The following KIF26A variants were observed in gnomAD, a reference collection of about 807,000 sequenced individuals.
The protein encoded by KIF26A is kinesin-like protein KIF26A.
Under a neutral mutation model 126.0 loss-of-function variants are expected in KIF26A, and 74 were observed. The observed-to-expected ratio is 0.59, with a 90% CI of 0.49 to 0.71. The LOEUF is 0.71. KIF26A is among the 30% of genes least tolerant of loss of function. The pLI is 0.00. For synonymous variants in KIF26A, 1,445 were observed against 1,232.7 expected, an observed-to-expected ratio of 1.17 and a Z score of -3.61; for missense variants, 2,984 against 2,763.3, an observed-to-expected ratio of 1.08 and a Z score of -1.79.
Position 104,177,202 on chromosome 14 carries a change from C to T in KIF26A, c.4414C>T (p.Pro1472Ser). ...VPKLGVPPSS[P>S]THGPAPACRS... ...CAAGCTGGGTGTGCCACCCTCCAGC[C>T]CCACACACGGTCCAGCTCCCGCCTG... is the stretch of plus-strand genomic sequence containing the variant. The change falls in exon 12 of 15, where the codon CCC becomes TCC. Residue 1472 changes from proline to serine, a missense_variant. Pro to Ser is a moderately conservative substitution (Grantham distance 74). Coordinates refer to ENST00000423312, the MANE Select transcript of KIF26A (RefSeq NM_015656.2). 2 of 1,596,016 alleles carry T rather than the reference C, an allele frequency of 1.3e-6. No individual in the cohort carries two copies. The highest frequency in any genetic ancestry group is 1.3e-5 in the African/African-American group (1 of 74,962).
intron 2 of KIF26A, among the ~76,000 whole-genome samples, chr14:104,149,259 G>A (rs2037706170): frequency 1.3e-5 from 2 of 152,138 alleles, no homozygotes; most frequent in African/African-American, 2.4e-5. Context: ...AGCCTGCTGG[G>A]TCGGGGTTGG....
chr14:104,151,396 C>T lies in KIF26A; in HGVS notation c.289-619C>T, dbSNP rs1250641546. Among the ~76,000 whole-genome samples, 2 of 136,692 alleles carry T rather than the reference C, an allele frequency of 1.5e-5. No individual in the cohort carries two copies. The highest frequency in any genetic ancestry group is 7.5e-5 in the Admixed American group (1 of 13,406). 89.7% of individuals were successfully genotyped at this position (136,692 alleles called of 152,430 possible). ...GTGGGGGAGCTGGTGGAGTGTGCGGCGGGGGGTGGGGCCCTGGGCTGTACC... is the reference window on the plus strand; with the variant it reads ...GTGGGGGAGCTGGTGGAGTGTGCGGTGGGGGGTGGGGCCCTGGGCTGTACC... On this transcript the variant is annotated intron_variant, in intron 2 of 14. Coordinates refer to ENST00000423312, the MANE Select transcript of KIF26A (RefSeq NM_015656.2). This position sits in a 1 kb window ranked among gnomAD's most constrained non-coding sequence, Gnocchi z 4.9.
rs1404253657 is a variant in KIF26A, at chr14:104,151,756, G to C, written c.289-259G>C. Among the ~76,000 whole-genome samples, 1 of 152,236 alleles carries C rather than the reference G, an allele frequency of 6.6e-6. No individual in the cohort carries two copies. Among genetic ancestry groups the C allele is most frequent in the African/African-American group, 2.4e-5 (1 of 41,462 alleles). On this transcript the variant is annotated intron_variant, in intron 2 of 14. Coordinates refer to ENST00000423312, the MANE Select transcript of KIF26A (RefSeq NM_015656.2). This position sits in a 1 kb window ranked among gnomAD's most constrained non-coding sequence, Gnocchi z 4.9. ...GAGCCGCAAACCTGCCTTGTTAGCC[G>C]CAGGCCGGGGCGCTTAATGACGGCT...
At chr14:104,162,452 C>T (rs1444016773) in intron 4 of KIF26A, among the ~76,000 whole-genome samples, 1 of 152,206 alleles carries the variant, frequency 6.6e-6, no homozygotes, top group Non-Finnish European at 1.5e-5. Context: ...GGGGCAGAGC[C>T]CTTGTGTGGC....
rs2038021379 is a variant in KIF26A, at chr14:104,176,068, G to A, written c.3280G>A (p.Gly1094Arg). 2 of 1,596,582 alleles carry A rather than the reference G, an allele frequency of 1.3e-6. No individual in the cohort carries two copies. Among genetic ancestry groups the A allele is most frequent in the Admixed American group, 1.7e-5 (1 of 58,682 alleles). Residue 1094 changes from glycine to arginine, a missense_variant, in exon 12 of 15, where the codon GGG (glycine) becomes AGG (arginine). Physicochemically the swap from Gly to Arg is moderately radical, Grantham distance 125. Transcript: ENST00000423312. ...DAYTSQAPEG[G>R]PLEGAAWAGS... ...CTACACCTCTCAGGCCCCTGAGGGG[G>A]GGCCCCTGGAGGGGGCAGCCTGGGC...
In KIF26A at chr14:104,175,145, C is replaced by A; in HGVS notation, c.2357C>A (p.Ser786Tyr). The A allele has an allele frequency of 6.2e-7, 1 of 1,607,774 alleles. No homozygotes were observed. The highest frequency in any genetic ancestry group is 1.1e-5 in the South Asian group (1 of 89,900). ...DPDYSSSSEQ[S>Y]CDTVIYVGPG... ...GATTACTCCTCCAGCAGCGAGCAGTCCTGTGACACGGTCATCTACGTGGGG... is the reference window on the plus strand; with the variant it reads ...GATTACTCCTCCAGCAGCGAGCAGTACTGTGACACGGTCATCTACGTGGGG... The change falls in exon 12 of 15, where the codon TCC becomes TAC. Residue 786 changes from serine (S) to tyrosine (Y), a missense_variant. By Grantham distance (144) the Ser-to-Tyr change is moderately radical. Transcript: ENST00000423312.
rs199834512 is a variant in KIF26A at position 104,178,616 on chromosome 14, G to A, written c.5177G>A (p.Ser1726Asn). Residue 1726 changes from serine to asparagine, a missense_variant, in exon 13 of 15, where the codon AGC becomes AAC. Transcript: ENST00000423312. ...PDTTALGRKP[S>N]LPGQWVDLPP... Reference sequence around the variant, plus strand: ...ACCACTGCCCTGGGCCGTAAGCCCAGCCTCCCCGGGCAGTGGGTGGACCTG... The same window carrying A: ...ACCACTGCCCTGGGCCGTAAGCCCAACCTCCCCGGGCAGTGGGTGGACCTG... The A allele has an allele frequency of 3.9e-4, 601 of 1,547,166 alleles. 2 individuals carry two copies. In the African/African-American group the frequency reaches 7.4e-3, roughly 19 times the overall value.
chr14:104,147,288 G>A (rs2037688968), intron 2 of KIF26A, among the ~76,000 whole-genome samples: 1 of 152,228 alleles, frequency 6.6e-6, no homozygotes, highest in Admixed American at 6.5e-5. Context: ...GCCATTGAGG[G>A]GATGAGGGTC....
rs117210021 is a variant in KIF26A, at chr14:104,149,096, C to T, written c.289-2919C>T. 7.4e-3 allele frequency among the ~76,000 whole-genome samples: 1,133 copies of T among 152,270 alleles called. 7 individuals carry two copies. Among genetic ancestry groups the T allele is most frequent in the Non-Finnish European group, 0.011 (744 of 68,022 alleles). On this transcript the variant is annotated intron_variant, in intron 2 of 14. Coordinates refer to ENST00000423312, the MANE Select transcript of KIF26A (RefSeq NM_015656.2). ...GTGCAGCCTGGCTGGTGTGATGGCT[C>T]AGTGGTGGGGGCGATGGCGCCTGGT... is the stretch of plus-strand genomic sequence containing the variant.
chr14:104,155,928 C>T (rs149058361), intron 3 of KIF26A, among the ~76,000 whole-genome samples: 27 of 152,348 alleles, frequency 1.8e-4, no homozygotes, highest in East Asian at 3.9e-4. Flanking sequence ...CCTCCAGCCT[C>T]GGTGCCCCTG....
Position 104,174,968 on chromosome 14 carries a change from T to A in KIF26A, c.2194-14T>A, listed in dbSNP as rs1337949398. The A allele has an allele frequency of 6.6e-7, 1 of 1,512,602 alleles. No individual in the cohort carries two copies. Among genetic ancestry groups the A allele is most frequent in the East Asian group, 2.4e-5 (1 of 40,864 alleles). The allele number at this position is 1,512,602 out of a possible 1,614,324, so 93.7% of individuals were successfully genotyped here. On this transcript the variant is annotated splice_polypyrimidine_tract_variant and intron_variant, in intron 11 of 14. Transcript: ENST00000423312. ...GGGAGACTGGGCTCGGCAGCTCCAC[T>A]TTTCTTCCCCCAGTACGCCTCCAGC...
chr14:104,176,397 C>A lies in KIF26A; in HGVS notation c.3609C>A (p.Ala1203=). The A allele has an allele frequency of 1.3e-6, 2 of 1,590,692 alleles. No homozygotes were observed. Among genetic ancestry groups the A allele is most frequent in the Non-Finnish European group, 1.7e-6 (2 of 1,165,618 alleles). The change falls in exon 12 of 15, where the codon GCC becomes GCA. Residue 1203 remains alanine (A), a synonymous_variant. Coordinates refer to ENST00000423312, the MANE Select transcript of KIF26A (RefSeq NM_015656.2). ...QAGPSRWASA[A]QTIHSSLPRK... is the part of the protein sequence containing the mutation. ...GGCCCTCGCGGTGGGCATCCGCAGCCCAGACCATCCACTCCAGCCTCCCCC... is the reference window on the plus strand; with the variant it reads ...GGCCCTCGCGGTGGGCATCCGCAGCACAGACCATCCACTCCAGCCTCCCCC...
At chr14:104,178,827 T>C (rs1004379705) in intron 13 of KIF26A, 72 bp downstream of exon 13, 8 of 882,908 alleles carry the variant, frequency 9.1e-6, no homozygotes, top group African/African-American at 8.6e-5. Flanking sequence ...AGTGAGCCAT[T>C]TGATGGGCTC....
At chr14:104,167,998 T>TG (rs2037923073) in intron 5 of KIF26A, among the ~76,000 whole-genome samples, 1 of 151,978 alleles carries the variant, frequency 6.6e-6, no homozygotes, top group Non-Finnish European at 1.5e-5. Context: ...GGAGACCCCC[T>TG]GGCAGAAGGC....
intron 4 of KIF26A, among the ~76,000 whole-genome samples, chr14:104,165,458 C>CAT: frequency 1.5e-5 from 2 of 137,504 alleles, no homozygotes; most frequent in Middle Eastern, 8.6e-3. Context: ...TTTCTGTATG[C>CAT]GTGTGTGTGT....
At chr14:104,157,160 G>C (rs2037787247) in intron 3 of KIF26A, among the ~76,000 whole-genome samples, 1 of 152,294 alleles carries the variant, frequency 6.6e-6, no homozygotes, top group South Asian at 2.1e-4. Flanking sequence ...GCTGTCCCGG[G>C]CGTTTAATTA....
intron 4 of KIF26A, among the ~76,000 whole-genome samples, chr14:104,165,663 CTGTGTTTCTGTATGCATATGTGTGACTG>C (rs1281542487): frequency 2.2e-5 from 3 of 133,608 alleles, no homozygotes; most frequent in African/African-American, 1.0e-4. Flanking sequence ...GTGTGTGTAT[CTGTGTTTCTGTATGCATATGTGTGACTG>C]TGTGTCTCTG....
chr14:104,172,465 A>G (rs941895020), intron 6 of KIF26A, 110 bp from the exon 7 acceptor site: 9 of 703,392 alleles, frequency 1.3e-5, no homozygotes, highest in Admixed American at 5.1e-5. Flanking sequence ...GTGCAGCCCA[A>G]TCTCCTTGTG....
chr14:104,177,234 C>A lies in KIF26A; in HGVS notation c.4446C>A (p.Ser1482Arg). The A allele has an allele frequency of 6.3e-7, 1 of 1,596,540 alleles. No homozygotes were observed. The highest frequency in any genetic ancestry group is 8.5e-7 in the Non-Finnish European group (1 of 1,175,648). ...ACGGTCCAGCTCCCGCCTGTAGGAG[C>A]GGCGCAGCCAAGGCTGTGGGGGCCC... ...PTHGPAPACR[S>R]GAAKAVGAPK... is the part of the protein sequence containing the mutation. Residue 1482 changes from serine (S) to arginine (R), a missense_variant, in exon 12 of 15, where the codon AGC becomes AGA. By Grantham distance (110) the Ser-to-Arg change is moderately radical. Transcript: ENST00000423312.
Sources: gnomAD v4.1 joint callset for allele counts (sites outside exome capture counted in the v4.1 genomes callset) on GRCh38, gnomAD v4.1.1 for gene constraint, Gnocchi (gnomAD v3.1) non-coding constraint, MANE v1.5 for transcripts, NCBI Gene and HGNC (gene_info 2026-07-23, HGNC 2026-07-21) for gene names.